Variants in ADH7 observed in about 807,000 individuals in gnomAD.
ADH7 encodes alcohol dehydrogenase 7 (class IV), mu or sigma polypeptide.
Under a neutral mutation model 34.4 loss-of-function variants are expected in ADH7, and 41 were observed. That is an observed-to-expected ratio of 1.19 (90% CI 0.93 to 1.55). The LOEUF (loss-of-function observed/expected upper bound fraction) is 1.55, where lower values mean the gene tolerates loss of function less well. Ranked by LOEUF, ADH7 falls within the 40% of genes most tolerant of loss-of-function variation. The probability of loss-of-function intolerance (pLI) is 0.00; values close to 1 mark genes in which losing one functional copy is unlikely to be tolerated. For synonymous variants in ADH7, 180 were observed against 160.9 expected (o/e 1.12, Z -0.90); for missense variants, 540 against 461.2 (o/e 1.17, Z -1.56).
chr4:99,424,199 C>A (rs1204509741), intron 5 of ADH7, among the ~76,000 whole-genome samples: 1 of 151,998 alleles, frequency 6.6e-6, no homozygotes, highest in Non-Finnish European at 1.5e-5. Context: ...AGATATGTGG[C>A]GTTATTTCTG....
intron 7 of ADH7, among the ~76,000 whole-genome samples, chr4:99,417,727 A>G (rs1429642973): frequency 2.0e-5 from 3 of 152,058 alleles, no homozygotes; most frequent in African/African-American, 7.2e-5. Flanking sequence ...ACACAATGGT[A>G]CCTGTACTCA....
chr4:99,418,431 G>A (rs1721571689), intron 7 of ADH7, among the ~76,000 whole-genome samples: 1 of 151,972 alleles, frequency 6.6e-6, no homozygotes, highest in Non-Finnish European at 1.5e-5. Context: ...TTGTGAAGGA[G>A]GGAAAAAAAA....
At chr4:99,421,539 A>G (rs1721663433) in intron 5 of ADH7, among the ~76,000 whole-genome samples, 2 of 152,230 alleles carry the variant, frequency 1.3e-5, no homozygotes, top group South Asian at 4.1e-4. Flanking sequence ...ACCCCAAACC[A>G]TAAAAACCCT....
At chr4:99,422,507 G>C (rs1721689324) in intron 5 of ADH7, among the ~76,000 whole-genome samples, 2 of 152,082 alleles carry the variant, frequency 1.3e-5, no homozygotes, top group South Asian at 4.2e-4. Flanking sequence ...CTGTTAGGAG[G>C]TGGGGGGTGA....
In ADH7 at chr4:99,428,665, CA is replaced by C. The variant is rs760409418; in HGVS notation, c.121-36del. The stretch of plus-strand genomic sequence containing the variant: ...AAGACAAAAACATTGCACCAATCAA[CA>C]AACTGATCATTTCACTGTTGGGAGA... On this transcript the variant is annotated intron_variant, in intron 2 of 8. Transcript: ENST00000437033. The C allele has an allele frequency of 4.4e-6, 7 of 1,594,588 alleles. No individual in the cohort carries two copies. In the African/African-American group the frequency reaches 9.4e-5, roughly 22 times the overall value.
Position 99,419,102 on chromosome 4 carries a change from C to T in ADH7, c.845G>A (p.Cys282Tyr), listed in dbSNP as rs1046200001. The part of the protein sequence containing the change: ...LETMIDALAS[C>Y]HMNYGTSVVV... ...CACGCTGGTCCCATAGTTCATGTGG[C>T]AGGATGCCAGGGCATCAATCTGAGT... is the stretch of plus-strand genomic sequence containing the variant. Residue 282 changes from cysteine to tyrosine, a missense_variant, in exon 7 of 9, where the codon TGC becomes TAC. Physicochemically the swap from Cys to Tyr is radical, Grantham distance 194 (BLOSUM62 -2). Transcript: ENST00000437033. 2 of 1,613,506 alleles carry T rather than the reference C, an allele frequency of 1.2e-6. No homozygotes were observed. Among genetic ancestry groups the T allele is most frequent in the African/African-American group, 2.7e-5 (2 of 74,910 alleles).
Position 99,427,892 on chromosome 4 carries a change from A to G in ADH7, c.445T>C (p.Tyr149His), listed in dbSNP as rs779155590. Reference protein sequence around the residue: ...HFMNTSTFTEYTVVDESSVAK... With the variant: ...HFMNTSTFTEHTVVDESSVAK... ...ACAGAAGATTCATCCACCACTGTGT[A>G]CTCGGTAAATGTACTGGTGTTCATG... is the stretch of plus-strand genomic sequence containing the variant. The change falls in exon 5 of 9, where the codon TAC becomes CAC. Residue 149 changes from tyrosine to histidine, a missense_variant. By Grantham distance (83) the Tyr-to-His change is moderately conservative. Transcript: ENST00000437033. 2.8e-5 allele frequency: 45 copies of G among 1,613,834 alleles called. No individual in the cohort carries two copies. Among genetic ancestry groups the G allele is most frequent in the Middle Eastern group, 3.3e-4 (2 of 6,080 alleles).
chr4:99,424,990 C>A (rs1560563081), intron 5 of ADH7, among the ~76,000 whole-genome samples: 1 of 152,000 alleles, frequency 6.6e-6, no homozygotes, highest in African/African-American at 2.4e-5. Flanking sequence ...TTTGCCCATT[C>A]AGTATGACAT....
In ADH7 at chr4:99,413,110, T is replaced by A; in HGVS notation, c.*38A>T. On this transcript the variant is annotated 3_prime_UTR_variant, in exon 9 of 9. Coordinates refer to ENST00000437033, the MANE Select transcript of ADH7 (RefSeq NM_000673.7). Reference sequence around the variant, plus strand: ...GGAACTCTCACAAGAGAAACTCCAGTTCACCATGACAACACAGACCTCCTG... The same window carrying A: ...GGAACTCTCACAAGAGAAACTCCAGATCACCATGACAACACAGACCTCCTG... 2.5e-6 allele frequency: 4 copies of A among 1,611,102 alleles called. No homozygotes were observed. Among genetic ancestry groups the A allele is most frequent in the Non-Finnish European group, 3.4e-6 (4 of 1,178,080 alleles).
At position 99,419,054 on chromosome 4, in the gene ADH7, G is replaced by A. The variant is rs1433147867; in HGVS notation, c.893C>T (p.Ala298Val). 2 of 1,613,868 alleles carry A rather than the reference G, an allele frequency of 1.2e-6. No individual in the cohort carries two copies. Among genetic ancestry groups the A allele is most frequent in the Non-Finnish European group, 8.5e-7 (1 of 1,179,876 alleles). ...TSVVVGVPPS[A>V]KMLTYDPMLL... ...CATCGGGTCATAGGTGAGCATCTTGGCTGATGGAGGAACTCCTACAACCAC... is the reference window on the plus strand; with the variant it reads ...CATCGGGTCATAGGTGAGCATCTTGACTGATGGAGGAACTCCTACAACCAC... The change falls in exon 7 of 9, where the codon GCC becomes GTC. Residue 298 changes from alanine to valine, a missense_variant. Physicochemically the swap from Ala to Val is moderately conservative, Grantham distance 64. Transcript: ENST00000437033.
chr4:99,429,865 A>C (rs1206846089), intron 1 of ADH7, among the ~76,000 whole-genome samples: 1 of 152,210 alleles, frequency 6.6e-6, no homozygotes, highest in Non-Finnish European at 1.5e-5. Context: ...GTCACCTAGC[A>C]CATGACATGC....
In ADH7 at chr4:99,413,047, G is replaced by A. The variant is rs185160400; in HGVS notation, c.*101C>T. 2.1e-5 allele frequency: 26 copies of A among 1,211,838 alleles called. No individual in the cohort carries two copies. The highest frequency in any genetic ancestry group is 3.0e-5 in the African/African-American group (2 of 65,914). The allele number at this position is 1,211,838 out of a possible 1,614,324, so 75.1% of individuals were successfully genotyped here. On this transcript the variant is annotated 3_prime_UTR_variant, in exon 9 of 9. Coordinates refer to ENST00000437033, the MANE Select transcript of ADH7 (RefSeq NM_000673.7). ...TGTCTTCAACAAATCTTCTACTTAT[G>A]CTTGTATTTGTGAGACAGATACATG...
chr4:99,427,052 G>A (rs922002206), intron 5 of ADH7, among the ~76,000 whole-genome samples: 1 of 152,110 alleles, frequency 6.6e-6, no homozygotes, highest in Non-Finnish European at 1.5e-5. Context: ...GTATTGATGG[G>A]ACGTATCTCA....
chr4:99,422,301 C>T (rs1290922023), intron 5 of ADH7, among the ~76,000 whole-genome samples: 1 of 152,180 alleles, frequency 6.6e-6, no homozygotes, highest in Non-Finnish European at 1.5e-5. Flanking sequence ...AGTACATATA[C>T]ACCATGGAAT....
At chr4:99,426,012 G>C (rs1721796247) in intron 5 of ADH7, among the ~76,000 whole-genome samples, 1 of 152,010 alleles carries the variant, frequency 6.6e-6, no homozygotes, top group Admixed American at 6.6e-5. Context: ...TGAAACCAAT[G>C]AAAACAAATA....
At chr4:99,432,046 G>A (rs1721947488) in intron 1 of ADH7, among the ~76,000 whole-genome samples, 2 of 152,214 alleles carry the variant, frequency 1.3e-5, no homozygotes, top group Admixed American at 1.3e-4. Flanking sequence ...ATTCACAATA[G>A]CAAAGACATG....
At chr4:99,428,232 A>G in intron 3 of ADH7, 58 bp from the exon 4 acceptor site, 1 of 1,491,170 alleles carries the variant, frequency 6.7e-7, no homozygotes, top group Non-Finnish European at 9.4e-7. Context: ...ATATGAAATT[A>G]ACAAATGTGA....
chr4:99,431,999 A>G (rs1253515623), intron 1 of ADH7, among the ~76,000 whole-genome samples: 3 of 152,194 alleles, frequency 2.0e-5, no homozygotes, highest in Non-Finnish European at 4.4e-5. Flanking sequence ...TCATCCTACC[A>G]TAAAGACATA....
At position 99,429,556 on chromosome 4, in the gene ADH7, T is replaced by C. The variant is rs751359864; in HGVS notation, c.96A>G (p.Pro32=). The change falls in exon 2 of 9, where the codon CCA becomes CCG. Residue 32 remains proline, a synonymous_variant. Coordinates refer to ENST00000437033, the MANE Select transcript of ADH7 (RefSeq NM_000673.7). ...CCTTAATGCGAACTTCTTTAGTCTT[T>C]GGTGGGGCAACTTCTATTTCCTCAA... ...FSIEEIEVAP[P]KTKEVRIKIL... The C allele has an allele frequency of 1.9e-6, 3 of 1,612,262 alleles. No individual in the cohort carries two copies. The highest frequency in any genetic ancestry group is 2.5e-6 in the Non-Finnish European group (3 of 1,179,078).
Sources: gnomAD v4.1 joint callset for allele counts (sites outside exome capture counted in the v4.1 genomes callset) on GRCh38, gnomAD v4.1.1 for gene constraint, MANE v1.5 for transcripts, NCBI Gene and HGNC (gene_info 2026-07-23, HGNC 2026-07-21) for gene names.